The following NUP85 variants were observed in gnomAD, a reference collection of about 807,000 sequenced individuals.
NUP85 encodes nucleoporin 85, also known as nuclear pore complex protein Nup85.
A neutral mutation model predicts 92.8 loss-of-function variants in NUP85; 23 were observed. That is an observed-to-expected ratio of 0.25 (90% CI 0.18 to 0.35). The LOEUF (loss-of-function observed/expected upper bound fraction) is 0.35, where lower values mean the gene tolerates loss of function less well. NUP85 is among the 10% of genes least tolerant of loss of function. The pLI is 1.00. For synonymous variants in NUP85, 314 were observed against 306.9 expected (o/e 1.02, Z -0.24); for missense variants, 759 against 822.8 (o/e 0.92, Z 0.95).
At chr17:75,228,779 C>T (rs1305964193) in intron 11 of NUP85, 2 of 985,292 alleles carry the variant, frequency 2.0e-6, no homozygotes, top group East Asian at 1.1e-4. Context: ...TCTAAGTGGG[C>T]CCCTGATTTA....
chr17:75,222,792 T>C (rs975127752), intron 7 of NUP85, among the ~76,000 whole-genome samples: 24 of 151,930 alleles, frequency 1.6e-4, no homozygotes, highest in African/African-American at 5.6e-4. Flanking sequence ...TCCCAGCACT[T>C]TGGGAGGCCG....
intron 5 of NUP85, 142 bp downstream of exon 5, chr17:75,213,261 G>A: frequency 3.0e-6 from 2 of 666,792 alleles, no homozygotes; most frequent in Non-Finnish European, 5.3e-6. Flanking sequence ...GACAGTGATT[G>A]TCTTGCCCCC....
chr17:75,218,177 C>T lies in NUP85; in HGVS notation c.476-8C>T. 6.2e-7 allele frequency: 1 copy of T among 1,613,832 alleles called. No homozygotes were observed. On this transcript the variant is annotated splice_polypyrimidine_tract_variant and splice_region_variant and intron_variant, in intron 6 of 18. Coordinates refer to ENST00000245544, the MANE Select transcript of NUP85 (RefSeq NM_024844.5). The stretch of plus-strand genomic sequence containing the variant: ...GCTTTTGTGTGTGATGAGAGTCTCT[C>T]CTCCCAGCTGGCCCTCTCCTCCTCC...
intron 1 of NUP85, 119 bp from the exon 2 acceptor site, chr17:75,208,408 G>GT: frequency 1.4e-6 from 1 of 697,304 alleles, no homozygotes; most frequent in South Asian, 1.7e-5. Flanking sequence ...TTACACCACT[G>GT]TACACCAGCC....
intron 7 of NUP85, among the ~76,000 whole-genome samples, chr17:75,223,785 TTTTTCC>T (rs1568081864): frequency 5.3e-5 from 8 of 152,186 alleles, no homozygotes; most frequent in Non-Finnish European, 1.0e-4. Context: ...CATTTTAATT[TTTTTCC>T]AAACAAAACT....
intron 1 of NUP85, chr17:75,208,164 G>A (rs1341151237): frequency 1.5e-5 from 3 of 194,260 alleles, no homozygotes; most frequent in African/African-American, 2.4e-5. Flanking sequence ...GGGCGGGCAC[G>A]GTGGCTCGCG....
intron 11 of NUP85, among the ~76,000 whole-genome samples, chr17:75,229,295 G>T (rs1399651715): frequency 6.6e-6 from 1 of 152,084 alleles, no homozygotes; most frequent in East Asian, 1.9e-4. Context: ...TAGAGGCACT[G>T]GAGCTTTGAT....
intron 11 of NUP85, among the ~76,000 whole-genome samples, chr17:75,230,663 A>T (rs1169221430): frequency 6.6e-6 from 1 of 152,066 alleles, no homozygotes; most frequent in East Asian, 1.9e-4. Context: ...CCGGCCAACA[A>T]CATGTTTTGA....
intron 9 of NUP85, 43 bp downstream of exon 9, chr17:75,225,507 G>T: frequency 5.6e-6 from 9 of 1,601,824 alleles, no homozygotes; most frequent in Non-Finnish European, 7.7e-6. Flanking sequence ...GGCTTCCTAT[G>T]GGGGCTGTGG....
chr17:75,207,571 C>T (rs191931083), intron 1 of NUP85, among the ~76,000 whole-genome samples: 7 of 152,018 alleles, frequency 4.6e-5, no homozygotes, highest in African/African-American at 1.7e-4. Flanking sequence ...CCTCTGGCTC[C>T]TGGGTTCAAG....
In NUP85 at chr17:75,225,576, T is replaced by G. The variant is rs1598311951; in HGVS notation, c.855+112T>G. The stretch of plus-strand genomic sequence containing the variant: ...CCTTGGATAGGGCTGTCTGTCGCTC[T>G]GCCGTGATGGCGAGAGCTTTCAGAC... On this transcript the variant is annotated intron_variant, in intron 9 of 18. Transcript: ENST00000245544. 5 of 1,571,848 alleles carry G rather than the reference T, an allele frequency of 3.2e-6. No homozygotes were observed. In the East Asian group the frequency reaches 1.1e-4, roughly 35 times the overall value.
intron 1 of NUP85, 169 bp from the exon 2 acceptor site, chr17:75,208,358 G>A: frequency 1.7e-6 from 1 of 602,324 alleles, no homozygotes; most frequent in Admixed American, 3.0e-5. Context: ...GGCAGGAGAA[G>A]CCTTTGAACC....
intron 7 of NUP85, among the ~76,000 whole-genome samples, chr17:75,221,567 A>C (rs1426355315): frequency 6.6e-6 from 1 of 152,154 alleles, no homozygotes; most frequent in Non-Finnish European, 1.5e-5. Context: ...GAGCTACTTA[A>C]CGGCCTTAAG....
At chr17:75,229,368 C>A (rs1159055414) in intron 11 of NUP85, among the ~76,000 whole-genome samples, 3 of 152,146 alleles carry the variant, frequency 2.0e-5, no homozygotes, top group Non-Finnish European at 4.4e-5. Flanking sequence ...GACCTTAGTA[C>A]AGGACAAACA....
rs774828465 is a variant in NUP85, at chr17:75,212,105, TG to T, written c.361+44del. On this transcript the variant is annotated intron_variant, in intron 4 of 18. Coordinates refer to ENST00000245544, the MANE Select transcript of NUP85 (RefSeq NM_024844.5). ...GTGCGCGCGTGTGTGTGTGTGTGTG[TG>T]TGTGGGTATTTTGAGTATTTATCTA... 180 of 1,414,450 alleles carry T rather than the reference TG, an allele frequency of 1.3e-4. 1 individual carries two copies. The African/African-American group carries it at 2.3e-3, about 18-fold the overall frequency. The allele number at this position is 1,414,450 out of a possible 1,614,324, so 87.6% of individuals were successfully genotyped here. A position where few individuals can be genotyped will look rare whatever the true frequency, so the allele number is the denominator to read the frequency against.
chr17:75,212,077 CGCGTGCGCGCGT>C lies in NUP85; in HGVS notation c.361+17_361+28del, dbSNP rs757682176. 2.0e-6 allele frequency: 3 copies of C among 1,488,244 alleles called. No homozygotes were observed. The African/African-American group carries it at 6.1e-5, about 30-fold the overall frequency. 92.2% of individuals were successfully genotyped at this position (1,488,244 alleles called of 1,614,324 possible). A position where few individuals can be genotyped will look rare whatever the true frequency, so the allele number is the denominator to read the frequency against. On this transcript the variant is annotated intron_variant, in intron 4 of 18. Coordinates refer to ENST00000245544, the MANE Select transcript of NUP85 (RefSeq NM_024844.5). Reference sequence around the variant, plus strand: ...CCAGGTTGCAAGTAAGGACTGTGTGCGCGTGCGCGCGTGTGTGTGTGTGTGTGTGTGTGGGTA... The same window carrying C: ...CCAGGTTGCAAGTAAGGACTGTGTGCGTGTGTGTGTGTGTGTGTGTGGGTA...
intron 1 of NUP85, among the ~76,000 whole-genome samples, chr17:75,206,792 GGT>G (rs930426774): frequency 1.4e-4 from 21 of 152,046 alleles, no homozygotes; most frequent in Admixed American, 1.3e-3. Context: ...CCGCCTCCCG[GGT>G]TCACACCATT....
intron 1 of NUP85, among the ~76,000 whole-genome samples, chr17:75,207,007 G>T (rs1362080593): frequency 6.6e-6 from 1 of 151,722 alleles, no homozygotes; most frequent in Admixed American, 6.6e-5. Context: ...GCACCCGGCC[G>T]ATTTCTGGTC....
intron 7 of NUP85, among the ~76,000 whole-genome samples, chr17:75,221,181 A>G (rs2075589204): frequency 6.6e-6 from 1 of 150,454 alleles, no homozygotes; most frequent in African/African-American, 2.4e-5. Context: ...CGCCCGGCTA[A>G]CCCAATTATT....
Sources: allele counts gnomAD v4.1 joint callset (sites outside exome capture counted in the v4.1 genomes callset), GRCh38; gene constraint gnomAD v4.1.1; transcripts MANE v1.5; gene names NCBI Gene and HGNC (gene_info 2026-07-23, HGNC 2026-07-21).